The following ARHGAP42 variants were observed in gnomAD, a reference collection of about 807,000 sequenced individuals.
ARHGAP42 encodes rho GTPase-activating protein 42.
ARHGAP42 carries 63 observed loss-of-function variants against 125.0 expected under a neutral mutation model. The ratio of observed to expected loss-of-function variants is 0.50; its 90% CI spans 0.41 to 0.62. The LOEUF is 0.62. Among genes scored for constraint, ARHGAP42 ranks in the 20% least tolerant of loss-of-function variants. The probability of loss-of-function intolerance (pLI) is 0.00; values close to 1 mark genes in which losing one functional copy is unlikely to be tolerated. For missense variants in ARHGAP42, 766 were observed against 1,024.2 expected (o/e 0.75, Z 3.44); for synonymous variants, 339 against 351.0 (o/e 0.97, Z 0.38).
intron 3 of ARHGAP42, among the ~76,000 whole-genome samples, chr11:100,803,780 T>C (rs915679659): frequency 6.6e-5 from 10 of 152,214 alleles, no homozygotes; most frequent in Non-Finnish European, 1.5e-5. Flanking sequence ...TGTTTAGCAA[T>C]GTAGATTTTT....
At chr11:100,752,022 C>T (rs1862472777) in intron 1 of ARHGAP42, among the ~76,000 whole-genome samples, 1 of 152,064 alleles carries the variant, frequency 6.6e-6, no homozygotes, top group Admixed American at 6.5e-5. Flanking sequence ...TCAGATGATC[C>T]ACCCACCTTG....
chr11:100,992,720 A>G lies in ARHGAP42; in HGVS notation c.*3919A>G. 2.6e-6 allele frequency: 4 copies of G among 1,537,318 alleles called. No individual in the cohort carries two copies. Among genetic ancestry groups the G allele is most frequent in the Non-Finnish European group, 3.5e-6 (4 of 1,146,166 alleles). ...ATGATGTGGACTTTTAGAGGATCAA[A>G]TCAATAAATTGGATTTTTTATTTTT... On this transcript the variant is annotated 3_prime_UTR_variant, in exon 24 of 24. Transcript: ENST00000298815.
intron 3 of ARHGAP42, among the ~76,000 whole-genome samples, chr11:100,830,835 T>C (rs2135093606): frequency 6.6e-6 from 1 of 152,236 alleles, no homozygotes; most frequent in South Asian, 2.1e-4. Flanking sequence ...ATAGCCTGCT[T>C]TGAGAAACCT....
At chr11:100,808,740 C>T (rs563710874) in intron 3 of ARHGAP42, among the ~76,000 whole-genome samples, 6 of 152,166 alleles carry the variant, frequency 3.9e-5, no homozygotes, top group Non-Finnish European at 8.8e-5. Flanking sequence ...AACTAGAAAT[C>T]GGGTGTATTC....
intron 12 of ARHGAP42, among the ~76,000 whole-genome samples, chr11:100,952,745 T>TTTTTTTTTTTA (rs1857698136): frequency 6.7e-6 from 1 of 149,276 alleles, no homozygotes; most frequent in Non-Finnish European, 1.5e-5. Context: ...TTTTTTTTTT[T>TTTTTTTTTTTA]GAGATGGAGT....
intron 1 of ARHGAP42, among the ~76,000 whole-genome samples, chr11:100,697,268 C>G (rs1233788993): frequency 6.6e-6 from 1 of 151,956 alleles, no homozygotes; most frequent in African/African-American, 2.4e-5. Flanking sequence ...CTGCAAGCTC[C>G]GCCTCCCAGG....
rs1485471594 is a variant in ARHGAP42, at chr11:100,933,271, A to G, written c.702+11A>G. On this transcript the variant is annotated intron_variant, in intron 7 of 23. Transcript: ENST00000298815. Reference sequence around the variant, plus strand: ...TTCAACTTGCAGAATGTAAGAGTATACCTGTTCTTACTGTCTCTCAGCAAA... The same window carrying G: ...TTCAACTTGCAGAATGTAAGAGTATGCCTGTTCTTACTGTCTCTCAGCAAA... 4 of 1,508,438 alleles carry G rather than the reference A, an allele frequency of 2.7e-6. No homozygotes were observed. The South Asian group carries it at 3.8e-5, about 14-fold the overall frequency. 93.4% of individuals were successfully genotyped at this position (1,508,438 alleles called of 1,614,324 possible).
Position 100,853,206 on chromosome 11 carries a change from G to T in ARHGAP42, c.313-6348G>T, listed in dbSNP as rs147403222. ...AATTATTTTAAGCAGCTTTTAAGAT[G>T]TCAATCCTAATTTGACCTTTCACAT... On this transcript the variant is annotated intron_variant, in intron 3 of 23. Coordinates refer to ENST00000298815, the MANE Select transcript of ARHGAP42 (RefSeq NM_152432.4). Among the ~76,000 whole-genome samples, 3 of 152,250 alleles carry T rather than the reference G, an allele frequency of 2.0e-5. No individual in the cohort carries two copies. In the East Asian group the frequency reaches 5.8e-4, roughly 29 times the overall value.
intron 4 of ARHGAP42, among the ~76,000 whole-genome samples, chr11:100,869,635 T>C (rs553121678): frequency 2.0e-5 from 3 of 152,252 alleles, no homozygotes; most frequent in South Asian, 2.1e-4. Flanking sequence ...AGAGTTAGAA[T>C]TGTAGATAGG....
intron 22 of ARHGAP42, among the ~76,000 whole-genome samples, chr11:100,985,112 C>T (rs1045047690): frequency 2.0e-5 from 3 of 152,162 alleles, no homozygotes; most frequent in African/African-American, 7.2e-5. Context: ...CTCCCTCAAC[C>T]AGTCCCATAA....
chr11:100,985,688 A>G (rs1239227367), intron 22 of ARHGAP42, among the ~76,000 whole-genome samples: 1 of 152,206 alleles, frequency 6.6e-6, no homozygotes, highest in Non-Finnish European at 1.5e-5. Context: ...GCTGAGGGTC[A>G]TTCCCAAATC....
intron 4 of ARHGAP42, among the ~76,000 whole-genome samples, chr11:100,905,623 A>T (rs2135219215): frequency 6.6e-6 from 1 of 152,254 alleles, no homozygotes; most frequent in South Asian, 2.1e-4. Flanking sequence ...GGCATCAGTA[A>T]TTGCCTTACT....
Position 100,989,137 on chromosome 11 carries a change from G to T in ARHGAP42, c.*336G>T, listed in dbSNP as rs1321944362. ...CTGTATCCCAGAAATTTGGAAACCA[G>T]AAATCTGCTATATGGATTTTGAGAT... is the stretch of plus-strand genomic sequence containing the variant. On this transcript the variant is annotated 3_prime_UTR_variant, in exon 24 of 24. Transcript: ENST00000298815. 5.0e-6 allele frequency: 2 copies of T among 402,676 alleles called. No homozygotes were observed. The highest frequency in any genetic ancestry group is 8.8e-6 in the Non-Finnish European group (2 of 228,174). 24.9% of individuals were successfully genotyped at this position (402,676 alleles called of 1,614,324 possible).
At chr11:100,809,041 C>G (rs1358226815) in intron 3 of ARHGAP42, among the ~76,000 whole-genome samples, 1 of 152,044 alleles carries the variant, frequency 6.6e-6, no homozygotes, top group Non-Finnish European at 1.5e-5. Flanking sequence ...GTGAGAGGGC[C>G]CACATTGCTT....
rs993076496 is a variant in ARHGAP42, at chr11:100,943,776, C to T, written c.951C>T (p.Ser317=). The T allele has an allele frequency of 6.5e-7, 1 of 1,549,264 alleles. No homozygotes were observed. The highest frequency in any genetic ancestry group is 8.7e-7 in the Non-Finnish European group (1 of 1,145,350). The change falls in exon 10 of 24, where the codon AGC becomes AGT. Residue 317 remains serine, a synonymous_variant. Coordinates refer to ENST00000298815, the MANE Select transcript of ARHGAP42 (RefSeq NM_152432.4). ...TGTTTCAGAATGGCCTTGTTACTAG[C>T]TCACCGGAAATGTTTAAATTAAAAT... ...SSGKMNGLVT[S]SPEMFKLKSC...
chr11:100,971,595 T>C lies in ARHGAP42; in HGVS notation c.1551-1580T>C, dbSNP rs532549915. On this transcript the variant is annotated intron_variant, in intron 17 of 23. Transcript: ENST00000298815. The stretch of plus-strand genomic sequence containing the variant: ...TTAAAATAATCCATCTTCTGTGCAA[T>C]GTAGTCATTAACCCACCTTTCAAAA... Among the ~76,000 whole-genome samples the C allele has an allele frequency of 6.6e-5, 10 of 152,298 alleles. No homozygotes were observed. The South Asian group carries it at 1.9e-3, about 28-fold the overall frequency.
intron 3 of ARHGAP42, among the ~76,000 whole-genome samples, chr11:100,801,268 T>C (rs997430025): frequency 3.3e-5 from 5 of 152,214 alleles, no homozygotes; most frequent in Admixed American, 1.3e-4. Flanking sequence ...ATATTTTTAG[T>C]GTACCAGGAA....
chr11:100,736,272 AC>A (rs1297610525), intron 1 of ARHGAP42, among the ~76,000 whole-genome samples: 1 of 151,566 alleles, frequency 6.6e-6, no homozygotes, highest in African/African-American at 2.4e-5. Context: ...TCATTCTTTT[AC>A]ATCTCCGTTT....
intron 1 of ARHGAP42, among the ~76,000 whole-genome samples, chr11:100,716,627 G>A (rs1401138697): frequency 4.6e-5 from 7 of 152,074 alleles, no homozygotes; most frequent in Non-Finnish European, 2.9e-5. Flanking sequence ...TTAGGAGGAC[G>A]ACAGTATTAT....
Sources: gnomAD v4.1 joint callset for allele counts (sites outside exome capture counted in the v4.1 genomes callset) on GRCh38, gnomAD v4.1.1 for gene constraint, MANE v1.5 for transcripts, NCBI Gene and HGNC (gene_info 2026-07-23, HGNC 2026-07-21) for gene names.